The following PHLDB2 variants were observed in gnomAD, a reference collection of about 807,000 sequenced individuals.
PHLDB2 encodes the protein pleckstrin homology like domain family B member 2.
Under a neutral mutation model 123.6 loss-of-function variants are expected in PHLDB2, and 71 were observed. The observed-to-expected ratio is 0.57, with a 90% CI of 0.47 to 0.70. The LOEUF (loss-of-function observed/expected upper bound fraction) is 0.70. Among genes scored for constraint, PHLDB2 ranks in the 30% least tolerant of loss-of-function variants. The pLI is 0.00. For missense variants in PHLDB2, 1,446 were observed against 1,519.5 expected, an observed-to-expected ratio of 0.95 and a Z score of 0.80; for synonymous variants, 547 against 541.6, an observed-to-expected ratio of 1.01 and a Z score of -0.14.
At chr3:111,904,020 T>C (rs1319583882) in intron 2 of PHLDB2, among the ~76,000 whole-genome samples, 3 of 152,180 alleles carry the variant, frequency 2.0e-5, no homozygotes, top group Non-Finnish European at 4.4e-5. Flanking sequence ...CCCACACCTG[T>C]AATCCCAGCA....
intron 1 of PHLDB2, among the ~76,000 whole-genome samples, chr3:111,744,323 C>T (rs532158916): frequency 5.9e-5 from 9 of 152,174 alleles, no homozygotes; most frequent in Non-Finnish European, 7.3e-5. Flanking sequence ...CAGACCCTTC[C>T]GCACATTGCT....
rs888367246 is a variant in PHLDB2, at chr3:111,913,583, A to C, written c.1600A>C (p.Thr534Pro). ...SLSQSSASFFTPRSTRNDELL... is the reference protein window; with the variant it reads ...SLSQSSASFFPPRSTRNDELL... ...CAGTCAGAGCAGTGCCAGCTTCTTT[A>C]CCCCCAGGAGCACCAGGAATGATGA... The change falls in exon 3 of 18, where the codon ACC becomes CCC. Residue 534 changes from threonine to proline, a missense_variant. Coordinates refer to ENST00000431670, the MANE Select transcript of PHLDB2 (RefSeq NM_001134438.2). 3.1e-6 allele frequency: 5 copies of C among 1,613,984 alleles called. No individual in the cohort carries two copies. Among genetic ancestry groups the C allele is most frequent in the Non-Finnish European group, 4.2e-6 (5 of 1,179,976 alleles).
At chr3:111,868,342 G>A (rs1301692326) in intron 1 of PHLDB2, among the ~76,000 whole-genome samples, 1 of 152,050 alleles carries the variant, frequency 6.6e-6, no homozygotes, top group East Asian at 1.9e-4. Flanking sequence ...AAAAATAGAT[G>A]GATTGTTCAA....
chr3:111,784,910 T>C (rs1171473542), intron 1 of PHLDB2, among the ~76,000 whole-genome samples: 1 of 152,168 alleles, frequency 6.6e-6, no homozygotes, highest in Non-Finnish European at 1.5e-5. Flanking sequence ...ATATTATAAG[T>C]AGTGCTATGA....
intron 1 of PHLDB2, among the ~76,000 whole-genome samples, chr3:111,780,288 A>G (rs78045723): frequency 0.01 from 43 of 4,214 alleles, 3 homozygotes; most frequent in East Asian, 0.032. Flanking sequence ...AAGAAGAAGA[A>G]GAAGAAGAGG....
intron 1 of PHLDB2, among the ~76,000 whole-genome samples, chr3:111,780,390 A>AGAG (rs2060401855): frequency 1.2e-4 from 6 of 50,588 alleles, no homozygotes; most frequent in Admixed American, 2.5e-4. Flanking sequence ...AAGAAGAAGA[A>AGAG]GAAGAAGAAG....
In PHLDB2 at chr3:111,826,478, G is replaced by T. The variant is rs1157187113; in HGVS notation, c.-48-19343G>T. 2.0e-5 allele frequency among the ~76,000 whole-genome samples: 3 copies of T among 152,142 alleles called. No homozygotes were observed. In the East Asian group the frequency reaches 5.8e-4, roughly 29 times the overall value. On this transcript the variant is annotated intron_variant, in intron 1 of 17. Transcript: ENST00000393923. The stretch of plus-strand genomic sequence containing the variant: ...CCCACATACTCTTTACATCTAGAAA[G>T]TGTAGTTTTCTTAGGTACGTGGGCA...
At chr3:111,889,431 G>A (rs1322330682) in intron 2 of PHLDB2, among the ~76,000 whole-genome samples, 1 of 151,952 alleles carries the variant, frequency 6.6e-6, no homozygotes, top group Non-Finnish European at 1.5e-5. Flanking sequence ...GCTGGGTGAG[G>A]TGGCTTACAC....
chr3:111,946,704 A>G (rs1251033416), intron 9 of PHLDB2, among the ~76,000 whole-genome samples: 1 of 152,238 alleles, frequency 6.6e-6, no homozygotes, highest in Non-Finnish European at 1.5e-5. Context: ...AGTCTGTTAA[A>G]GAAATATGGT....
chr3:111,823,187 T>C (rs993860158), intron 1 of PHLDB2, among the ~76,000 whole-genome samples: 1 of 152,228 alleles, frequency 6.6e-6, no homozygotes, highest in Non-Finnish European at 1.5e-5. Flanking sequence ...GATCATCTCC[T>C]CCATTTTGAG....
chr3:111,789,103 G>A (rs775411158), intron 1 of PHLDB2, among the ~76,000 whole-genome samples: 42 of 152,160 alleles, frequency 2.8e-4, no homozygotes, highest in Non-Finnish European at 4.9e-4. Flanking sequence ...TTTCCCAATC[G>A]TCACTGCAGG....
intron 1 of PHLDB2, among the ~76,000 whole-genome samples, chr3:111,821,468 C>T (rs915967154): frequency 1.4e-4 from 22 of 152,098 alleles, no homozygotes; most frequent in South Asian, 2.1e-4. Flanking sequence ...GTCTGGAGAC[C>T]AGGGAAGGTT....
intron 1 of PHLDB2, among the ~76,000 whole-genome samples, chr3:111,786,567 G>C (rs1436430311): frequency 2.0e-5 from 3 of 152,124 alleles, no homozygotes; most frequent in Non-Finnish European, 4.4e-5. Flanking sequence ...AATAACTATT[G>C]TTACTTTCAA....
intron 1 of PHLDB2, among the ~76,000 whole-genome samples, chr3:111,763,608 C>A (rs1169508092): frequency 1.3e-5 from 2 of 152,074 alleles, no homozygotes; most frequent in African/African-American, 4.8e-5. Context: ...AGGAAAAGAG[C>A]AGTGCTATAA....
chr3:111,932,456 A>G, intron 6 of PHLDB2, 59 bp downstream of exon 6: 19 of 1,508,992 alleles, frequency 1.3e-5, no homozygotes, highest in African/African-American at 1.4e-5. Flanking sequence ...TTTTCACTTA[A>G]GTGCCACTTA....
chr3:111,861,177 TA>T (rs2064820055), intron 1 of PHLDB2, among the ~76,000 whole-genome samples: 1 of 152,218 alleles, frequency 6.6e-6, no homozygotes, highest in African/African-American at 2.4e-5. Flanking sequence ...CCCACTATTT[TA>T]ACAGAATGGC....
At chr3:111,780,342 A>AGAG (rs2060385703) in intron 1 of PHLDB2, among the ~76,000 whole-genome samples, 1 of 16,258 alleles carries the variant, frequency 6.2e-5, no homozygotes, top group African/African-American at 9.1e-5. Flanking sequence ...AAGAAGAAGA[A>AGAG]GAAGAAGAAG....
chr3:111,848,032 T>C (rs1022890648), intron 2 of PHLDB2, among the ~76,000 whole-genome samples: 9 of 152,110 alleles, frequency 5.9e-5, no homozygotes, highest in Non-Finnish European at 1.2e-4. Context: ...GATTAGGACA[T>C]GTTACGTCTG....
At chr3:111,968,500 T>C (rs1371633923) in intron 15 of PHLDB2, among the ~76,000 whole-genome samples, 1 of 152,258 alleles carries the variant, frequency 6.6e-6, no homozygotes, top group African/African-American at 2.4e-5. Flanking sequence ...TTACATAATA[T>C]GTTTTCTGAG....
Sources: gnomAD v4.1 joint callset for allele counts (sites outside exome capture counted in the v4.1 genomes callset) on GRCh38, gnomAD v4.1.1 for gene constraint, MANE v1.5 for transcripts, NCBI Gene and HGNC (gene_info 2026-07-23, HGNC 2026-07-21) for gene names.